Variants in BICRAL observed in about 807,000 individuals in gnomAD.
BICRAL encodes the protein BRD4-interacting chromatin-remodeling complex-associated protein-like.
In BICRAL, 8 loss-of-function variants were observed where a neutral mutation model predicts 91.8. The ratio of observed to expected loss-of-function variants is 0.09; its 90% CI spans 0.05 to 0.16. The LOEUF is 0.16. BICRAL is among the 10% of genes least tolerant of loss of function. BICRAL has a pLI of 1.00. For synonymous variants in BICRAL, 445 were observed against 491.1 expected (o/e 0.91, Z 1.24); for missense variants, 1,038 against 1,310.9 (o/e 0.79, Z 3.21).
chr6:42,803,892 G>A (rs1447552776), intron 1 of BICRAL, among the ~76,000 whole-genome samples: 2 of 152,208 alleles, frequency 1.3e-5, no homozygotes, highest in Non-Finnish European at 2.9e-5. Flanking sequence ...ACAAGGCTGT[G>A]CAGCATGTTA....
At chr6:42,752,912 C>CTTTTT (rs57864510) in intron 1 of BICRAL, among the ~76,000 whole-genome samples, 7 of 82,190 alleles carry the variant, frequency 8.5e-5, no homozygotes, top group African/African-American at 1.5e-4. Flanking sequence ...CCCCAGCTGA[C>CTTTTT]TTTTTTTTTT....
chr6:42,788,320 G>A (rs1763164789), intron 1 of BICRAL, among the ~76,000 whole-genome samples: 1 of 151,184 alleles, frequency 6.6e-6, no homozygotes, highest in African/African-American at 2.4e-5. Context: ...CACCTCTTGG[G>A]TTCAAGCAAT....
At chr6:42,846,124 C>A (rs1562491563) in intron 6 of BICRAL, among the ~76,000 whole-genome samples, 1 of 150,682 alleles carries the variant, frequency 6.6e-6, no homozygotes, top group Non-Finnish European at 1.5e-5. Flanking sequence ...CACCTGTAAT[C>A]CCAGCACTTT....
upstream of BICRAL, among the ~76,000 whole-genome samples, chr6:42,779,223 AACACACACACACACACACACACACACAC>A (rs57493144): frequency 3.8e-5 from 5 of 132,524 alleles, no homozygotes; most frequent in East Asian, 2.3e-4. Context: ...TCTCAAGAAA[AACACACACACACACACACACACACACAC>A]ACACACACAC....
intron 1 of BICRAL, among the ~76,000 whole-genome samples, chr6:42,756,186 A>G (rs1218569812): frequency 1.3e-5 from 2 of 152,114 alleles, no homozygotes; most frequent in African/African-American, 2.4e-5. Flanking sequence ...TTAGCCACTT[A>G]TCCGACTTCT....
At chr6:42,858,463 C>T (rs541862980) in intron 10 of BICRAL, among the ~76,000 whole-genome samples, 72 of 144,634 alleles carry the variant, frequency 5.0e-4, no homozygotes, top group African/African-American at 1.7e-3. Flanking sequence ...TTGCAGTGAG[C>T]GGACATCGCA....
chr6:42,825,915 C>G lies in BICRAL; in HGVS notation c.160-2578C>G, dbSNP rs139506028. Among the ~76,000 whole-genome samples the G allele has an allele frequency of 1.9e-3, 293 of 152,062 alleles. 1 individual carries two copies. The highest frequency in any genetic ancestry group is 6.8e-3 in the African/African-American group (283 of 41,502). On this transcript the variant is annotated intron_variant, in intron 5 of 12. Transcript: ENST00000314073. The stretch of plus-strand genomic sequence containing the variant: ...TGGCCAACATGGCAAAACCCTATCT[C>G]TACTAAAAAATATAAAAATTAGCTG...
intron 1 of BICRAL, among the ~76,000 whole-genome samples, chr6:42,766,815 C>T (rs1310115863): frequency 6.6e-6 from 1 of 151,982 alleles, no homozygotes; most frequent in African/African-American, 2.4e-5. Context: ...CCAAGGCGGG[C>T]GGATCATGAG....
At chr6:42,849,250 G>A (rs946249996) in intron 6 of BICRAL, among the ~76,000 whole-genome samples, 2 of 152,030 alleles carry the variant, frequency 1.3e-5, no homozygotes, top group Non-Finnish European at 1.5e-5. Flanking sequence ...ACCACATCCA[G>A]CTAATTTTTT....
At chr6:42,753,557 C>T (rs932978151) in intron 1 of BICRAL, among the ~76,000 whole-genome samples, 1 of 152,090 alleles carries the variant, frequency 6.6e-6, no homozygotes, top group Non-Finnish European at 1.5e-5. Flanking sequence ...AACACAGGTG[C>T]AAGGAGTAGT....
chr6:42,791,052 T>G (rs1763258401), intron 1 of BICRAL, among the ~76,000 whole-genome samples: 1 of 151,894 alleles, frequency 6.6e-6, no homozygotes, highest in Non-Finnish European at 1.5e-5. Flanking sequence ...GCCTGCCCTT[T>G]TGTAGTGCAG....
chr6:42,849,739 T>C (rs1765121841), intron 6 of BICRAL, among the ~76,000 whole-genome samples: 1 of 150,874 alleles, frequency 6.6e-6, no homozygotes, highest in East Asian at 2.0e-4. Context: ...GCGCCCGGCC[T>C]AGAACAGAAA....
At chr6:42,862,888 G>A (rs565192445) in intron 12 of BICRAL, among the ~76,000 whole-genome samples, 1 of 152,210 alleles carries the variant, frequency 6.6e-6, no homozygotes, top group Admixed American at 6.5e-5. Flanking sequence ...ACAAATTCAT[G>A]TTCACACTAT....
chr6:42,753,224 G>C (rs1374160279), intron 1 of BICRAL, among the ~76,000 whole-genome samples: 1 of 151,988 alleles, frequency 6.6e-6, no homozygotes, highest in African/African-American at 2.4e-5. Flanking sequence ...ACCATGCCTG[G>C]CCTGATTTTT....
At position 42,865,346 on chromosome 6, in the gene BICRAL, A is replaced by G. The variant is rs1316168712; in HGVS notation, c.3140A>G (p.Gln1047Arg). 2 of 1,613,920 alleles carry G rather than the reference A, an allele frequency of 1.2e-6. No individual in the cohort carries two copies. The highest frequency in any genetic ancestry group is 1.7e-5 in the Admixed American group (1 of 60,020). ...CCCAACTTTTCTCCTATGGCTTCAC[A>G]GGAAAACTGCCTGGAAAAGTTCATC... ...DFPNFSPMAS[Q>R]ENCLEKFIPD... Residue 1047 changes from glutamine to arginine, a missense_variant, in exon 13 of 13, where the codon CAG becomes CGG. Transcript: ENST00000314073.
intron 6 of BICRAL, among the ~76,000 whole-genome samples, chr6:42,848,021 C>T (rs865925723): frequency 3.3e-5 from 5 of 151,380 alleles, no homozygotes; most frequent in African/African-American, 4.9e-5. Flanking sequence ...CCCAGCTACT[C>T]GGGAGGCTGA....
At chr6:42,778,745 C>T (rs1203883647), upstream of BICRAL, among the ~76,000 whole-genome samples, 2 of 152,014 alleles carry the variant, frequency 1.3e-5, no homozygotes, top group Non-Finnish European at 2.9e-5. Context: ...GTTTGAGAGG[C>T]TGAGGCGGAA....
At chr6:42,746,756 G>C (rs1475629506), upstream of BICRAL, among the ~76,000 whole-genome samples, 2 of 152,102 alleles carry the variant, frequency 1.3e-5, no homozygotes, top group Admixed American at 1.3e-4. Flanking sequence ...GCGGCCTGGG[G>C]GCTCCTGGAT....
intron 7 of BICRAL, among the ~76,000 whole-genome samples, chr6:42,853,221 G>T (rs1421021669): frequency 6.6e-6 from 1 of 151,442 alleles, no homozygotes; most frequent in Non-Finnish European, 1.5e-5. Context: ...AACATCTGCA[G>T]TACCCAATTA....
Sources: allele counts gnomAD v4.1 joint callset (sites outside exome capture counted in the v4.1 genomes callset), GRCh38; gene constraint gnomAD v4.1.1; transcripts MANE v1.5; gene names NCBI Gene and HGNC (gene_info 2026-07-23, HGNC 2026-07-21).